Variants in FAT3 observed in about 807,000 individuals in gnomAD.
The protein encoded by FAT3 is protocadherin Fat 3.
Under a neutral mutation model 310.2 loss-of-function variants are expected in FAT3, and 95 were observed. That is an observed-to-expected ratio of 0.31 (90% CI 0.26 to 0.36). FAT3 has a LOEUF of 0.36. Ranked by LOEUF, FAT3 falls within the 10% of genes least tolerant of loss-of-function variation. FAT3 has a pLI of 1.00. For missense variants in FAT3, 5,408 were observed against 5,715.6 expected (o/e 0.95, Z 1.74); for synonymous variants, 2,314 against 2,192.9 (o/e 1.06, Z -1.54).
chr11:92,609,350 A>C (rs1940457707), intron 3 of FAT3, among the ~76,000 whole-genome samples: 1 of 152,162 alleles, frequency 6.6e-6, no homozygotes, highest in Admixed American at 6.5e-5. Flanking sequence ...ATGTGGGTTA[A>C]AACCTGTTTA....
intron 3 of FAT3, among the ~76,000 whole-genome samples, chr11:92,680,661 T>C (rs1488765047): frequency 6.6e-6 from 1 of 152,212 alleles, no homozygotes; most frequent in Non-Finnish European, 1.5e-5. Flanking sequence ...AATAACTATA[T>C]AAGGGAAGGG....
At chr11:92,457,182 C>T (rs1951513661) in intron 2 of FAT3, among the ~76,000 whole-genome samples, 1 of 152,198 alleles carries the variant, frequency 6.6e-6, no homozygotes. Context: ...CCCTAAGCCT[C>T]TCTTTAATCG....
At chr11:92,691,142 A>G (rs1943788108) in intron 3 of FAT3, among the ~76,000 whole-genome samples, 1 of 152,236 alleles carries the variant, frequency 6.6e-6, no homozygotes, top group Admixed American at 6.5e-5. Flanking sequence ...ATCTTCTTGT[A>G]ATATTCCTTA....
At chr11:92,472,744 A>G (rs1951940839) in intron 2 of FAT3, among the ~76,000 whole-genome samples, 1 of 152,206 alleles carries the variant, frequency 6.6e-6, no homozygotes, top group African/African-American at 2.4e-5. Context: ...CATGGCCTCC[A>G]GAGTGCCCAC....
chr11:92,787,915 T>G (rs1464444589), intron 7 of FAT3, among the ~76,000 whole-genome samples: 1 of 152,026 alleles, frequency 6.6e-6, no homozygotes, highest in East Asian at 1.9e-4. Flanking sequence ...GTAAAAACCT[T>G]GATGCTCTAA....
At chr11:92,442,988 C>T (rs758555675) in intron 2 of FAT3, among the ~76,000 whole-genome samples, 1 of 152,128 alleles carries the variant, frequency 6.6e-6, no homozygotes, top group African/African-American at 2.4e-5. Context: ...CAATTCGACA[C>T]GATAAGCAAA....
intron 1 of FAT3, among the ~76,000 whole-genome samples, chr11:92,340,365 A>G (rs1247405544): frequency 2.0e-5 from 3 of 152,106 alleles, no homozygotes; most frequent in Admixed American, 6.6e-5. Context: ...TCTTTTGCAC[A>G]GTCAACTGAT....
chr11:92,249,868 C>A (rs1201628118), intron 1 of FAT3, among the ~76,000 whole-genome samples: 1 of 152,084 alleles, frequency 6.6e-6, no homozygotes, highest in African/African-American at 2.4e-5. Flanking sequence ...ATATTAACTA[C>A]ATAATGAGAT....
chr11:92,417,854 A>G (rs999614073), intron 2 of FAT3, among the ~76,000 whole-genome samples: 3 of 152,224 alleles, frequency 2.0e-5, no homozygotes, highest in Non-Finnish European at 4.4e-5. Context: ...TGGATCTCCA[A>G]GTGATGGTTG....
chr11:92,360,262 T>A (rs1281149171), intron 2 of FAT3, among the ~76,000 whole-genome samples: 2 of 152,258 alleles, frequency 1.3e-5, no homozygotes, highest in East Asian at 3.8e-4. Flanking sequence ...TCACAATTGC[T>A]TCAAAGAGAA....
At chr11:92,415,231 A>G (rs953894188) in intron 2 of FAT3, among the ~76,000 whole-genome samples, 2 of 152,214 alleles carry the variant, frequency 1.3e-5, no homozygotes, top group African/African-American at 4.8e-5. Flanking sequence ...TTACAAACCT[A>G]GAATAATCCT....
intron 1 of FAT3, among the ~76,000 whole-genome samples, chr11:92,327,968 C>A (rs1290120825): frequency 6.6e-6 from 1 of 152,144 alleles, no homozygotes; most frequent in Admixed American, 6.6e-5. Flanking sequence ...GTCTACCTTT[C>A]TTTTTCTCTT....
intron 5 of FAT3, among the ~76,000 whole-genome samples, chr11:92,763,242 T>A (rs779992177): frequency 2.2e-4 from 34 of 152,126 alleles, no homozygotes; most frequent in Non-Finnish European, 4.4e-4. Context: ...TTTTAAACGA[T>A]GGCCTGAGTC....
chr11:92,395,241 C>G (rs1407769458), intron 2 of FAT3, among the ~76,000 whole-genome samples: 1 of 152,130 alleles, frequency 6.6e-6, no homozygotes, highest in Non-Finnish European at 1.5e-5. Context: ...TAAATAGGTA[C>G]TTGAATTGAT....
chr11:92,658,938 A>ATCG (rs1021702291), intron 3 of FAT3, among the ~76,000 whole-genome samples: 10 of 151,618 alleles, frequency 6.6e-5, no homozygotes, highest in African/African-American at 2.4e-4. Context: ...CATCATCATC[A>ATCG]TCATCATCAT....
At chr11:92,666,403 G>A (rs576835023) in intron 3 of FAT3, among the ~76,000 whole-genome samples, 3 of 149,422 alleles carry the variant, frequency 2.0e-5, no homozygotes, top group African/African-American at 7.4e-5. Flanking sequence ...CTAGGCTGGA[G>A]TGCAGTGGCC....
intron 2 of FAT3, among the ~76,000 whole-genome samples, chr11:92,510,385 A>C (rs954884895): frequency 3.3e-5 from 5 of 152,130 alleles, no homozygotes; most frequent in African/African-American, 1.2e-4. Flanking sequence ...CACCAGAGAA[A>C]GGATTTGAGG....
chr11:92,379,064 GC>G (rs979401044), intron 2 of FAT3, among the ~76,000 whole-genome samples: 1 of 152,094 alleles, frequency 6.6e-6, no homozygotes, highest in African/African-American at 2.4e-5. Context: ...TAGATCTTTG[GC>G]CTTGTCATCA....
rs1157346858 is a variant in FAT3, at chr11:92,883,008, C to T, written c.12552C>T (p.Tyr4184=). Residue 4184 remains tyrosine, a synonymous_variant, in exon 24 of 28, where the codon TAC becomes TAT. Transcript: ENST00000525166. The surrounding 1 kb of genome is among the most constrained non-coding windows in gnomAD (Gnocchi z 4.2). The part of the protein sequence containing the change: ...VFRKKVFRKN[Y]SRNNITLVQD... ...GCAAGAAGGTCTTCCGCAAGAACTA[C>T]TCCCGCAACAACATCACGCTAGTGC... 3.7e-6 allele frequency: 6 copies of T among 1,613,946 alleles called. No individual in the cohort carries two copies. The South Asian group carries it at 6.6e-5, about 18-fold the overall frequency.
Sources: gnomAD v4.1 joint callset for allele counts (sites outside exome capture counted in the v4.1 genomes callset) on GRCh38, gnomAD v4.1.1 for gene constraint, Gnocchi (gnomAD v3.1) non-coding constraint, MANE v1.5 for transcripts, NCBI Gene and HGNC (gene_info 2026-07-23, HGNC 2026-07-21) for gene names.